Variants in COL4A4 observed in about 807,000 individuals in gnomAD.
COL4A4 encodes the protein collagen type IV alpha 4 chain.
COL4A4 carries 105 observed loss-of-function variants against 192.9 expected under a neutral mutation model. The observed-to-expected ratio is 0.54, with a 90% confidence interval of 0.46 to 0.64. The LOEUF (loss-of-function observed/expected upper bound fraction) is 0.64, where lower values mean the gene tolerates loss of function less well. Ranked by LOEUF, COL4A4 falls within the 30% of genes least tolerant of loss-of-function variation. The pLI is 0.00. For synonymous variants in COL4A4, 762 were observed against 769.9 expected, an observed-to-expected ratio of 0.99 and a Z score of 0.17; for missense variants, 1,967 against 2,169.3, an observed-to-expected ratio of 0.91 and a Z score of 1.85.
At chr2:227,087,191 T>C (rs2059649546) in intron 22 of COL4A4, among the ~76,000 whole-genome samples, 1 of 152,206 alleles carries the variant, frequency 6.6e-6, no homozygotes, top group Admixed American at 6.5e-5. Context: ...CTGCTTCATC[T>C]GTAACTTTCA....
chr2:227,088,973 G>A (rs1377329322), intron 21 of COL4A4, among the ~76,000 whole-genome samples, 157 bp from the exon 22 acceptor site: 3 of 152,206 alleles, frequency 2.0e-5, no homozygotes, highest in Non-Finnish European at 4.4e-5. Flanking sequence ...GGCTGGGTGT[G>A]GCATGGGGCA....
At chr2:227,054,471 G>T in intron 31 of COL4A4, 123 bp downstream of exon 31, 2 of 1,063,754 alleles carry the variant, frequency 1.9e-6, no homozygotes, top group Non-Finnish European at 2.9e-6. Context: ...AAATACCATA[G>T]AACTAAAAGG....
chr2:226,984,664 G>C, the COL4A4 span, among the ~76,000 whole-genome samples: 1 of 152,178 alleles, frequency 6.6e-6, no homozygotes, highest in Non-Finnish European at 1.5e-5. Context: ...CGTAGGCTAA[G>C]GAATTAGAAA....
intron 44 of COL4A4, among the ~76,000 whole-genome samples, chr2:227,017,576 C>T (rs1186840337): frequency 1.3e-5 from 2 of 152,152 alleles, no homozygotes; most frequent in African/African-American, 4.8e-5. Context: ...GAAGCTTCAG[C>T]CTTTGAGGGC....
intron 41 of COL4A4, among the ~76,000 whole-genome samples, chr2:227,028,344 C>T (rs951113986): frequency 5.3e-5 from 8 of 152,212 alleles, no homozygotes; most frequent in African/African-American, 1.9e-4. Context: ...TATCCGGGAA[C>T]AACGTGCCTC....
At chr2:227,072,208 G>C (rs530635745) in intron 25 of COL4A4, among the ~76,000 whole-genome samples, 1 of 151,728 alleles carries the variant, frequency 6.6e-6, no homozygotes, top group Non-Finnish European at 1.5e-5. Flanking sequence ...AATTAGAACC[G>C]AAACTGGGGT....
chr2:227,121,217 C>A lies in COL4A4; in HGVS notation c.193-69G>T, dbSNP rs1187526067. 3.3e-6 allele frequency: 5 copies of A among 1,525,344 alleles called. No individual in the cohort carries two copies. The Admixed American group carries it at 9.0e-5, about 27-fold the overall frequency. The allele number at this position is 1,525,344 out of a possible 1,614,324, so 94.5% of individuals were successfully genotyped here. On this transcript the variant is annotated intron_variant, in intron 4 of 47. Coordinates refer to ENST00000396625, the MANE Select transcript of COL4A4 (RefSeq NM_000092.5). ...TACTGTCTTCTAACACAAACATATACTCATTCAGGCCTACAGAAGACTTGG... is the reference window on the plus strand; with the variant it reads ...TACTGTCTTCTAACACAAACATATAATCATTCAGGCCTACAGAAGACTTGG...
intron 1 of COL4A4, among the ~76,000 whole-genome samples, chr2:227,151,396 A>T (rs1296330237): frequency 2.6e-5 from 4 of 152,198 alleles, no homozygotes; most frequent in Non-Finnish European, 4.4e-5. Flanking sequence ...TTAGTGAATG[A>T]ATTGGGCCTT....
chr2:227,158,845 T>C (rs531922633), intron 1 of COL4A4, among the ~76,000 whole-genome samples: 1 of 152,142 alleles, frequency 6.6e-6, no homozygotes, highest in African/African-American at 2.4e-5. Context: ...CTGGAACTCC[T>C]ATGCATGGTA....
chr2:227,102,013 G>T (rs964440750), intron 15 of COL4A4, 104 bp from the exon 16 acceptor site: 6 of 787,848 alleles, frequency 7.6e-6, no homozygotes, highest in Non-Finnish European at 1.2e-5. Flanking sequence ...TGGATATTTG[G>T]TCCTGTTTGC....
chr2:227,100,169 C>T (rs2060426884), intron 17 of COL4A4, among the ~76,000 whole-genome samples: 1 of 150,002 alleles, frequency 6.7e-6, no homozygotes, highest in Middle Eastern at 3.5e-3. Flanking sequence ...GAGCAAGTGC[C>T]AGATGAGGTC....
chr2:227,049,137 T>C (rs766138371), intron 34 of COL4A4, among the ~76,000 whole-genome samples: 5 of 152,202 alleles, frequency 3.3e-5, no homozygotes, highest in Non-Finnish European at 5.9e-5. Flanking sequence ...TTAAAGTAGA[T>C]TTAAAGAAAA....
intron 19 of COL4A4, among the ~76,000 whole-genome samples, chr2:227,096,302 C>T (rs998682995): frequency 6.6e-6 from 1 of 152,194 alleles, no homozygotes; most frequent in Non-Finnish European, 1.5e-5. Flanking sequence ...AGGCCCAGCC[C>T]TTCCTGAACT....
At chr2:227,055,854 T>C in intron 30 of COL4A4, 91 bp downstream of exon 30, 1 of 1,170,782 alleles carries the variant, frequency 8.5e-7, no homozygotes, top group Non-Finnish European at 1.2e-6. Flanking sequence ...AACAGTTAAC[T>C]CTTTTTGTGT....
At position 227,059,561 on chromosome 2, in the gene COL4A4, G is replaced by T; in HGVS notation, c.2227C>A (p.Pro743Thr). The T allele has an allele frequency of 6.2e-7, 1 of 1,614,042 alleles. No individual in the cohort carries two copies. Among genetic ancestry groups the T allele is most frequent in the Non-Finnish European group, 8.5e-7 (1 of 1,180,000 alleles). Residue 743 changes from proline (P) to threonine (T), a missense_variant, in exon 28 of 48, where the codon CCC becomes ACC. Coordinates refer to ENST00000396625, the MANE Select transcript of COL4A4 (RefSeq NM_000092.5). The stretch of plus-strand genomic sequence containing the variant: ...CCTGGTGAGCCGGGAGGGCCTGGGG[G>T]CCCAACAGGGGAGGACCCCTTTTCA... ...GGEKGSSPVG[P>T]PGPPGSPGVN...
intron 1 of COL4A4, among the ~76,000 whole-genome samples, chr2:227,149,629 A>AT (rs899916968): frequency 5.0e-5 from 7 of 139,822 alleles, no homozygotes; most frequent in African/African-American, 1.8e-4. Context: ...AGCATTTGAT[A>AT]TTTTTTAATA....
intron 37 of COL4A4, among the ~76,000 whole-genome samples, chr2:227,041,915 A>AAAGAAAGG (rs1553633567): frequency 3.2e-4 from 49 of 151,100 alleles, no homozygotes; most frequent in African/African-American, 1.0e-3. Context: ...AGAAAGAAAG[A>AAAGAAAGG]AAGAAAGAAA....
chr2:227,124,306 C>G (rs1383106414), intron 4 of COL4A4, among the ~76,000 whole-genome samples: 1 of 152,084 alleles, frequency 6.6e-6, no homozygotes, highest in African/African-American at 2.4e-5. Context: ...AAAGCAATGG[C>G]AAAGACCGCA....
the COL4A4 span, among the ~76,000 whole-genome samples, chr2:226,968,541 G>A: frequency 2.0e-5 from 3 of 152,194 alleles, no homozygotes; most frequent in South Asian, 6.2e-4. Context: ...TCTACCAGAT[G>A]CCTTCACAGC....
Sources: gnomAD v4.1 joint callset for allele counts (sites outside exome capture counted in the v4.1 genomes callset) on GRCh38, gnomAD v4.1.1 for gene constraint, MANE v1.5 for transcripts, NCBI Gene and HGNC (gene_info 2026-07-23, HGNC 2026-07-21) for gene names.